Variants in SRGAP2C observed in about 807,000 individuals in gnomAD.
SRGAP2C encodes the protein SLIT-ROBO Rho GTPase activating protein 2C, also known as SLIT-ROBO Rho GTPase-activating protein 2C.
In SRGAP2C, 15 loss-of-function variants were observed where a neutral mutation model predicts 25.1. That is an observed-to-expected ratio of 0.60 (90% CI 0.40 to 0.92). SRGAP2C has a LOEUF of 0.92. Among genes scored for constraint, SRGAP2C ranks in the 40% least tolerant of loss-of-function variants. The pLI is 0.00. For synonymous variants in SRGAP2C, 44 were observed against 96.6 expected (o/e 0.46, Z 3.19); for missense variants, 144 against 264.4 (o/e 0.54, Z 3.16).
chr1:121,314,329 A>G (rs1303695846), intron 3 of SRGAP2C, among the ~76,000 whole-genome samples: 1 of 150,712 alleles, frequency 6.6e-6, no homozygotes, highest in African/African-American at 2.4e-5. Flanking sequence ...ACATTCTTCT[A>G]AACTTTTTTC....
chr1:121,295,836 A>T (rs1657587538), intron 3 of SRGAP2C, among the ~76,000 whole-genome samples: 1 of 152,002 alleles, frequency 6.6e-6, no homozygotes, highest in Non-Finnish European at 1.5e-5. Flanking sequence ...ATCTCAGCTC[A>T]CTGCATCCTC....
chr1:121,354,301 T>C lies in SRGAP2C; in HGVS notation c.424-10992T>C, dbSNP rs1433218141. On this transcript the variant is annotated intron_variant, in intron 4 of 9. Coordinates refer to ENST00000367123, the MANE Select transcript of SRGAP2C (RefSeq NM_001329984.2). The stretch of plus-strand genomic sequence containing the variant: ...TTCTTTCTTTCTTTCTTTCTTTCTT[T>C]CTTTCTTTCTTTCTTTCTTTCTTTC... Among the ~76,000 whole-genome samples the C allele has an allele frequency of 7.2e-5, 5 of 69,572 alleles. 1 individual carries two copies. The highest frequency in any genetic ancestry group is 1.4e-4 in the Non-Finnish European group (5 of 36,566). The allele number at this position is 69,572 out of a possible 152,430, so 45.6% of individuals were successfully genotyped here.
At chr1:121,213,778 C>G (rs1553324280) in intron 2 of SRGAP2C, among the ~76,000 whole-genome samples, 1 of 76,132 alleles carries the variant, frequency 1.3e-5, no homozygotes, top group Non-Finnish European at 2.6e-5. Flanking sequence ...ACACTCCAGT[C>G]AAGGTTTTCC....
At chr1:121,235,626 GTTTTTTTTT>G (rs60027326) in intron 2 of SRGAP2C, among the ~76,000 whole-genome samples, 1 of 45,756 alleles carries the variant, frequency 2.2e-5, no homozygotes, top group Admixed American at 2.0e-4. Context: ...TGCTTTTTCT[GTTTTTTTTT>G]TTTTTTAGGA....
At chr1:121,210,344 T>A (rs1558081689) in intron 2 of SRGAP2C, among the ~76,000 whole-genome samples, 2 of 150,262 alleles carry the variant, frequency 1.3e-5, no homozygotes, top group Non-Finnish European at 3.0e-5. Context: ...ATTACATTCC[T>A]TCTCAACCAG....
intron 2 of SRGAP2C, among the ~76,000 whole-genome samples, chr1:121,263,563 A>G (rs1426147091): frequency 3.3e-5 from 5 of 151,600 alleles, no homozygotes; most frequent in Admixed American, 6.6e-5. Flanking sequence ...AATTCTACAG[A>G]AGTTCTATCA....
At chr1:121,219,083 T>C (rs1392440794) in intron 2 of SRGAP2C, among the ~76,000 whole-genome samples, 6 of 152,152 alleles carry the variant, frequency 3.9e-5, no homozygotes, top group Non-Finnish European at 7.3e-5. Context: ...AAATAACTTT[T>C]TTATACTCAT....
chr1:121,261,094 A>ATTTTTTTTTTTTTTTTTTT lies in SRGAP2C; in HGVS notation c.68-23698_68-23680dup, dbSNP rs1211026484. Among the ~76,000 whole-genome samples, 4 of 26,264 alleles carry ATTTTTTTTTTTTTTTTTTT rather than the reference A, an allele frequency of 1.5e-4. 1 individual carries two copies. The highest frequency in any genetic ancestry group is 1.4e-3 in the Admixed American group (2 of 1,418). The allele number at this position is 26,264 out of a possible 152,430, so 17.2% of individuals were successfully genotyped here. A position where few individuals can be genotyped will look rare whatever the true frequency, so the allele number is the denominator to read the frequency against. On this transcript the variant is annotated intron_variant, in intron 2 of 9. Transcript: ENST00000367123. ...CAGACATGCACCACCACACCTGGCT[A>ATTTTTTTTTTTTTTTTTTT]TTTTTTTTTTTTTTTTTTTTTTTTT...
chr1:121,336,451 C>A (rs1553342530), intron 4 of SRGAP2C, among the ~76,000 whole-genome samples: 6 of 118,748 alleles, frequency 5.1e-5, no homozygotes, highest in South Asian at 6.4e-4. Flanking sequence ...TCCCTCCCCC[C>A]CTTCCTTCTC....
chr1:121,256,164 TA>T (rs781931324), intron 2 of SRGAP2C, among the ~76,000 whole-genome samples: 8 of 137,466 alleles, frequency 5.8e-5, no homozygotes, highest in East Asian at 4.2e-4. Flanking sequence ...CTAGGGTGGT[TA>T]AAAAAAAATC....
intron 4 of SRGAP2C, among the ~76,000 whole-genome samples, chr1:121,343,515 C>G (rs1658677606): frequency 8.4e-6 from 1 of 119,458 alleles, no homozygotes; most frequent in Non-Finnish European, 1.7e-5. Context: ...CTTGTTGCCT[C>G]TGGCCTGATA....
chr1:121,308,538 G>C (rs1657902325), intron 3 of SRGAP2C, among the ~76,000 whole-genome samples: 1 of 149,888 alleles, frequency 6.7e-6, no homozygotes, highest in African/African-American at 2.5e-5. Context: ...CACTTTGGGA[G>C]GCTGAGGTGG....
chr1:121,364,298 TCCTTTCTTTC>T (rs1201974970), intron 4 of SRGAP2C, among the ~76,000 whole-genome samples: 1 of 142,504 alleles, frequency 7.0e-6, no homozygotes, highest in East Asian at 2.1e-4. Flanking sequence ...TCCTGCTTCC[TCCTTTCTTTC>T]CTTTTCTTTT....
At chr1:121,266,163 T>C (rs1411373763) in intron 2 of SRGAP2C, among the ~76,000 whole-genome samples, 1 of 150,640 alleles carries the variant, frequency 6.6e-6, no homozygotes, top group African/African-American at 2.4e-5. Flanking sequence ...TTTGTAGAGA[T>C]GGGGTTTCGC....
chr1:121,249,564 A>T (rs1181088655), intron 2 of SRGAP2C, among the ~76,000 whole-genome samples: 3 of 31,646 alleles, frequency 9.5e-5, no homozygotes, highest in Non-Finnish European at 1.8e-4. Context: ...ATATATATAT[A>T]TATATATATA....
intron 4 of SRGAP2C, among the ~76,000 whole-genome samples, chr1:121,357,504 T>A (rs1420618432): frequency 6.6e-6 from 1 of 152,206 alleles, no homozygotes. Flanking sequence ...CTTTTTATGA[T>A]CTTTCTTTGT....
chr1:121,201,585 G>A (rs587597320), intron 2 of SRGAP2C, among the ~76,000 whole-genome samples: 17 of 152,332 alleles, frequency 1.1e-4, no homozygotes, highest in Middle Eastern at 3.4e-3. Context: ...TTAGGCATGC[G>A]CGTGTGCGCG....
intron 2 of SRGAP2C, among the ~76,000 whole-genome samples, chr1:121,222,208 G>T (rs190214417): frequency 6.6e-6 from 1 of 152,170 alleles, no homozygotes; most frequent in Non-Finnish European, 1.5e-5. Context: ...GGTCACACAG[G>T]TCCTAGGAAC....
intron 8 of SRGAP2C, among the ~76,000 whole-genome samples, chr1:121,385,048 G>A (rs587595790): frequency 6.6e-6 from 1 of 151,898 alleles, no homozygotes; most frequent in African/African-American, 2.4e-5. Flanking sequence ...AGAGATGAGA[G>A]GGTGGGTCAT....
Sources: allele counts gnomAD v4.1 joint callset (sites outside exome capture counted in the v4.1 genomes callset), GRCh38; gene constraint gnomAD v4.1.1; transcripts MANE v1.5; gene names NCBI Gene and HGNC (gene_info 2026-07-23, HGNC 2026-07-21).